DMD: variants seen among roughly 807,000 people sequenced by gnomAD.
DMD encodes dystrophin.
A neutral mutation model predicts 330.1 loss-of-function variants in DMD; 63 were observed. That is an observed-to-expected ratio of 0.19 (90% confidence interval 0.16 to 0.24). DMD has a LOEUF of 0.24. DMD is among the 10% of genes least tolerant of loss of function. The probability of loss-of-function intolerance (pLI) is 1.00; values close to 1 mark genes in which losing one functional copy is unlikely to be tolerated. For synonymous variants in DMD, 1,223 were observed against 959.8 expected, an observed-to-expected ratio of 1.27 and a Z score of -5.07; for missense variants, 3,344 against 2,684.1, an observed-to-expected ratio of 1.25 and a Z score of -5.43.
intron 11 of DMD, among the ~76,000 whole-genome samples, chrX:32,630,820 C>T (rs2058683415): frequency 8.9e-6 from 1 of 111,937 alleles, no homozygotes; most frequent in African/African-American, 3.2e-5. Flanking sequence ...CAAGATTGGT[C>T]AGCGATGCCT....
Position 33,176,491 on chromosome X carries a change from C to T in DMD, c.31+34791G>A, listed in dbSNP as rs780749468. On this transcript the variant is annotated intron_variant, in intron 1 of 78. Transcript: ENST00000357033. Reference sequence around the variant, plus strand: ...AAAAAATAAAATGAAATAAAAGCTTCGGCTTCATACGTGGATTCAGGGATT... The same window carrying T: ...AAAAAATAAAATGAAATAAAAGCTTTGGCTTCATACGTGGATTCAGGGATT... Among the ~76,000 whole-genome samples, 6 of 109,834 alleles carry T rather than the reference C, an allele frequency of 5.5e-5. No individual in the cohort carries two copies. In the South Asian group the frequency reaches 1.2e-3, roughly 21 times the overall value.
intron 44 of DMD, among the ~76,000 whole-genome samples, chrX:31,994,467 A>G (rs1457652387): frequency 8.9e-6 from 1 of 112,070 alleles, no homozygotes; most frequent in Non-Finnish European, 1.9e-5. Context: ...CCAATGAAAT[A>G]AACATAAGTT....
intron 45 of DMD, among the ~76,000 whole-genome samples, chrX:31,955,433 T>C (rs955385701): frequency 8.9e-6 from 1 of 112,185 alleles, no homozygotes; most frequent in African/African-American, 3.2e-5. Flanking sequence ...CTTTTAGTTC[T>C]CGATCCTTCT....
At chrX:32,210,492 G>A (rs867832916) in intron 44 of DMD, among the ~76,000 whole-genome samples, 8 of 111,984 alleles carry the variant, frequency 7.1e-5, no homozygotes, top group Admixed American at 1.9e-4. Context: ...TTAAGAAGCC[G>A]TCAAACTCAG....
At chrX:31,425,121 A>G (rs1393789784) in intron 60 of DMD, among the ~76,000 whole-genome samples, 2 of 112,484 alleles carry the variant, frequency 1.8e-5, no homozygotes, top group Non-Finnish European at 1.9e-5. Flanking sequence ...GGCTTTGCCT[A>G]TAATTTCAGT....
chrX:31,872,520 CA>C (rs779110046), intron 48 of DMD, among the ~76,000 whole-genome samples: 1 of 110,062 alleles, frequency 9.1e-6, no homozygotes, highest in East Asian at 2.9e-4. Flanking sequence ...CCAAGGGATT[CA>C]AAAAAAAATC....
At chrX:31,293,463 A>T (rs867674642) in intron 62 of DMD, among the ~76,000 whole-genome samples, 5 of 111,264 alleles carry the variant, frequency 4.5e-5, no homozygotes, top group African/African-American at 1.3e-4. Context: ...TTACTGAAAT[A>T]CTATGGGTAA....
intron 1 of DMD, among the ~76,000 whole-genome samples, chrX:33,210,232 T>C (rs2051821088): frequency 9.5e-6 from 1 of 105,289 alleles, no homozygotes; most frequent in African/African-American, 3.7e-5. Context: ...AACTTCTGCC[T>C]TTTTTTTTAG....
chrX:31,354,768 C>T (rs1047756419), intron 60 of DMD, among the ~76,000 whole-genome samples: 1 of 112,135 alleles, frequency 8.9e-6, no homozygotes, highest in East Asian at 2.8e-4. Context: ...GAGATCTTAT[C>T]TGTCTTGTTA....
intron 1 of DMD, among the ~76,000 whole-genome samples, chrX:33,305,284 G>C (rs1237935326): frequency 9.4e-6 from 1 of 106,670 alleles, no homozygotes; most frequent in African/African-American, 3.4e-5. Context: ...GGATGAAATT[G>C]GAAATCATCA....
At chrX:31,214,247 G>C (rs1417072318) in intron 64 of DMD, among the ~76,000 whole-genome samples, 2 of 112,270 alleles carry the variant, frequency 1.8e-5, no homozygotes, top group African/African-American at 3.2e-5. Flanking sequence ...TGTCACTACA[G>C]GTTTCTTTTT....
chrX:31,499,754 A>C (rs1012235988), intron 56 of DMD, among the ~76,000 whole-genome samples: 3 of 111,648 alleles, frequency 2.7e-5, no homozygotes, highest in African/African-American at 9.8e-5. Context: ...CAGCCTCCCA[A>C]AGTGTTGGGA....
chrX:32,242,582 A>G (rs1272957688), intron 43 of DMD, among the ~76,000 whole-genome samples: 2 of 111,698 alleles, frequency 1.8e-5, no homozygotes, highest in East Asian at 5.6e-4. Flanking sequence ...AGATTTATAT[A>G]CAAAGAGTAT....
intron 51 of DMD, among the ~76,000 whole-genome samples, chrX:31,765,734 G>A (rs2089950689): frequency 9.0e-6 from 1 of 111,495 alleles, no homozygotes; most frequent in Non-Finnish European, 1.9e-5. Flanking sequence ...TAATAGTGAT[G>A]TGTGATCACT....
At chrX:31,416,698 G>A (rs1198222415) in intron 60 of DMD, among the ~76,000 whole-genome samples, 1 of 112,210 alleles carries the variant, frequency 8.9e-6, no homozygotes, top group Non-Finnish European at 1.9e-5. Flanking sequence ...GAAGCATGAA[G>A]CTGCGGCTTG....
chrX:31,537,764 G>C (rs929216342), intron 55 of DMD, among the ~76,000 whole-genome samples: 1 of 111,417 alleles, frequency 9.0e-6, no homozygotes, highest in African/African-American at 3.3e-5. Flanking sequence ...CTGAGGTAAG[G>C]CTTCCTTGGG....
intron 44 of DMD, among the ~76,000 whole-genome samples, chrX:32,058,178 A>AT (rs1271445004): frequency 9.0e-6 from 1 of 110,820 alleles, no homozygotes; most frequent in Non-Finnish European, 1.9e-5. Flanking sequence ...CTTCACAATA[A>AT]TTTTTTTTGG....
chrX:31,257,975 G>A (rs2050136606), intron 63 of DMD, among the ~76,000 whole-genome samples: 1 of 111,500 alleles, frequency 9.0e-6, no homozygotes, highest in Non-Finnish European at 1.9e-5. Flanking sequence ...AAAGGATGTA[G>A]CCATATAACA....
chrX:31,569,605 TGTATATACGTATATATACGTATATAC>T (rs1229014220), intron 55 of DMD, among the ~76,000 whole-genome samples: 1 of 89,613 alleles, frequency 1.1e-5, no homozygotes, highest in Non-Finnish European at 2.3e-5. Flanking sequence ...TACACATATA[TGTATATACGTATATATACGTATATAC>T]GTATATATAT....
Sources: allele counts gnomAD v4.1 joint callset (sites outside exome capture counted in the v4.1 genomes callset), GRCh38; gene constraint gnomAD v4.1.1; transcripts MANE v1.5; gene names NCBI Gene and HGNC (gene_info 2026-07-23, HGNC 2026-07-21).